The following ROBO2 variants were observed in gnomAD, a reference collection of about 807,000 sequenced individuals.
ROBO2 encodes roundabout homolog 2.
In ROBO2, 53 loss-of-function variants were observed where a neutral mutation model predicts 160.8. The ratio of observed to expected loss-of-function variants is 0.33; its 90% CI spans 0.26 to 0.41. ROBO2 has a LOEUF of 0.41. ROBO2 is among the 10% of genes least tolerant of loss of function. The pLI, the probability that ROBO2 is intolerant of heterozygous loss-of-function variation, is 1.00. For synonymous variants in ROBO2, 664 were observed against 611.7 expected, an observed-to-expected ratio of 1.09 and a Z score of -1.26; for missense variants, 1,577 against 1,722.4, an observed-to-expected ratio of 0.92 and a Z score of 1.49.
chr3:77,154,233 G>T (rs1378927189), intron 2 of ROBO2, among the ~76,000 whole-genome samples: 3 of 151,872 alleles, frequency 2.0e-5, no homozygotes, highest in African/African-American at 7.3e-5. Flanking sequence ...TCTAAACATG[G>T]GTTTTTCTTT....
At chr3:76,321,194 A>T (rs559434599) in intron 2 of ROBO2, among the ~76,000 whole-genome samples, 21 of 152,278 alleles carry the variant, frequency 1.4e-4, no homozygotes, top group Non-Finnish European at 2.6e-4. Flanking sequence ...TCAAACAATG[A>T]TAACTGCAAA....
intron 2 of ROBO2, among the ~76,000 whole-genome samples, chr3:76,227,086 A>T (rs1704334612): frequency 6.6e-6 from 1 of 152,202 alleles, no homozygotes; most frequent in Non-Finnish European, 1.5e-5. Flanking sequence ...CGACTGGCTC[A>T]CTACAGTGAA....
intron 2 of ROBO2, among the ~76,000 whole-genome samples, chr3:76,274,065 C>A (rs1318563478): frequency 1.9e-4 from 29 of 152,168 alleles, no homozygotes. Flanking sequence ...CTAATCACTT[C>A]TTAAAGGTAC....
rs954690475 is a variant in ROBO2 at position 77,109,047 on chromosome 3, T to C, written c.388+10707T>C. Among the ~76,000 whole-genome samples the C allele has an allele frequency of 2.6e-5, 4 of 151,932 alleles. No homozygotes were observed. The East Asian group carries it at 7.7e-4, about 29-fold the overall frequency. On this transcript the variant is annotated intron_variant, in intron 2 of 25. Transcript: ENST00000461745. Reference sequence around the variant, plus strand: ...ATGTTCAGGTATAGTAGGATGAGGATTAAGTTGATTAATTAAGTTCAGAAT... The same window carrying C: ...ATGTTCAGGTATAGTAGGATGAGGACTAAGTTGATTAATTAAGTTCAGAAT...
intron 2 of ROBO2, among the ~76,000 whole-genome samples, chr3:77,296,134 G>T (rs1455778646): frequency 1.3e-5 from 2 of 151,468 alleles, no homozygotes; most frequent in Non-Finnish European, 2.9e-5. Context: ...GATCACCCCA[G>T]ATGTAAAGTA....
intron 2 of ROBO2, among the ~76,000 whole-genome samples, chr3:77,272,074 A>T (rs976540110): frequency 6.6e-6 from 1 of 152,212 alleles, no homozygotes; most frequent in Non-Finnish European, 1.5e-5. Flanking sequence ...GTGAGTAAAA[A>T]TACTATTTTT....
Position 76,688,307 on chromosome 3 carries a change from C to T in ROBO2, c.110-409707C>T, listed in dbSNP as rs113622829. On this transcript the variant is annotated intron_variant, in intron 2 of 26. Coordinates refer to the ROBO2 transcript ENST00000487694. Reference sequence around the variant, plus strand: ...ATCAATTGTTGGTGAGAATTTATTACGAATACAAACATGGTTAGGTGATTT... The same window carrying T: ...ATCAATTGTTGGTGAGAATTTATTATGAATACAAACATGGTTAGGTGATTT... Among the ~76,000 whole-genome samples the T allele has an allele frequency of 7.0e-3, 1,068 of 151,832 alleles. 10 individuals carry two copies. The highest frequency in any genetic ancestry group is 0.024 in the African/African-American group (1,000 of 41,438).
At chr3:77,004,752 T>C (rs925640465) in intron 2 of ROBO2, among the ~76,000 whole-genome samples, 1 of 152,156 alleles carries the variant, frequency 6.6e-6, no homozygotes, top group Non-Finnish European at 1.5e-5. Context: ...TCAGACAGTT[T>C]TCTAAAATAA....
chr3:77,487,710 A>G (rs2085541292), intron 4 of ROBO2, among the ~76,000 whole-genome samples: 1 of 152,180 alleles, frequency 6.6e-6, no homozygotes, highest in Non-Finnish European at 1.5e-5. Flanking sequence ...GGTGAGCTGA[A>G]GTCAAGATAA....
At chr3:76,766,306 C>T (rs1295907141) in intron 2 of ROBO2, among the ~76,000 whole-genome samples, 1 of 151,626 alleles carries the variant, frequency 6.6e-6, no homozygotes, top group Non-Finnish European at 1.5e-5. Context: ...TGATCTGGCT[C>T]TTTGATTCCA....
In ROBO2 at chr3:77,634,590, A is replaced by G; in HGVS notation, c.3761-280A>G. On this transcript the variant is annotated intron_variant, in intron 23 of 25. Transcript: ENST00000461745. Reference sequence around the variant, plus strand: ...GTCAAGGTTAAATAAAAGTATAATCATGCAATATTGAGTTGTGGATTGGTG... The same window carrying G: ...GTCAAGGTTAAATAAAAGTATAATCGTGCAATATTGAGTTGTGGATTGGTG... 2 of 408,636 alleles carry G rather than the reference A, an allele frequency of 4.9e-6. 1 individual carries two copies. The highest frequency in any genetic ancestry group is 5.2e-5 in the South Asian group (2 of 38,678). 25.3% of individuals were successfully genotyped at this position (408,636 alleles called of 1,614,324 possible). A position where few individuals can be genotyped will look rare whatever the true frequency, so the allele number is the denominator to read the frequency against.
chr3:77,131,473 A>G (rs541836896), intron 2 of ROBO2, among the ~76,000 whole-genome samples: 2 of 152,318 alleles, frequency 1.3e-5, no homozygotes, highest in South Asian at 4.1e-4. Flanking sequence ...AGATAGCTGC[A>G]TTAGTGGTTA....
Position 76,637,649 on chromosome 3 carries a change from A to G in ROBO2, c.110-460365A>G, listed in dbSNP as rs192691230. On this transcript the variant is annotated intron_variant, in intron 2 of 26. Coordinates refer to the ROBO2 transcript ENST00000487694. ...CTCTTCCGGGCACATACACTGTTTT[A>G]TATAACTCAGTGAAAGGTGAGCTTT... Among the ~76,000 whole-genome samples, 106 of 152,320 alleles carry G rather than the reference A, an allele frequency of 7.0e-4. 1 individual carries two copies. The highest frequency in any genetic ancestry group is 2.8e-3 in the Admixed American group (43 of 15,304).
intron 2 of ROBO2, among the ~76,000 whole-genome samples, chr3:76,523,026 A>G (rs1319245232): frequency 1.4e-5 from 2 of 148,096 alleles, no homozygotes; most frequent in Admixed American, 1.4e-4. Flanking sequence ...AATATATTTT[A>G]TATATGTATA....
At chr3:76,035,766 C>T (rs769680841) in intron 2 of ROBO2, among the ~76,000 whole-genome samples, 2 of 151,968 alleles carry the variant, frequency 1.3e-5, no homozygotes, top group Non-Finnish European at 2.9e-5. Context: ...CACTCATTAT[C>T]GATTGAAAAC....
At chr3:77,347,732 T>C (rs1258892503) in intron 2 of ROBO2, among the ~76,000 whole-genome samples, 1 of 152,110 alleles carries the variant, frequency 6.6e-6, no homozygotes, top group Non-Finnish European at 1.5e-5. Flanking sequence ...CTGTCATCAT[T>C]GATATACTTT....
chr3:76,106,890 CA>C (rs1342767866), intron 2 of ROBO2, among the ~76,000 whole-genome samples: 1 of 152,076 alleles, frequency 6.6e-6, no homozygotes, highest in African/African-American at 2.4e-5. Flanking sequence ...TTTGCTACCA[CA>C]AGGGGTACTC....
chr3:76,580,353 T>TG (rs2085616458), intron 2 of ROBO2, among the ~76,000 whole-genome samples: 1 of 112,378 alleles, frequency 8.9e-6, no homozygotes, highest in South Asian at 2.8e-4. Context: ...TTTTTTTTTT[T>TG]GTTTTTTTTT....
rs140700064 is a variant in ROBO2, at chr3:77,008,771, G to C, written c.110-89243G>C. 4.3e-3 allele frequency among the ~76,000 whole-genome samples: 654 copies of C among 152,210 alleles called. 6 individuals are homozygous for C. Among genetic ancestry groups the C allele is most frequent in the African/African-American group, 0.015 (624 of 41,550 alleles). Reference sequence around the variant, plus strand: ...TTTCAGGTTGGCACGAATCATTTAGGAACAAAACATAGAATACACACTAAA... The same window carrying C: ...TTTCAGGTTGGCACGAATCATTTAGCAACAAAACATAGAATACACACTAAA... On this transcript the variant is annotated intron_variant, in intron 2 of 26. Coordinates refer to the ROBO2 transcript ENST00000487694.
Sources: gnomAD v4.1 joint callset for allele counts (sites outside exome capture counted in the v4.1 genomes callset) on GRCh38, gnomAD v4.1.1 for gene constraint, MANE v1.5 for transcripts, NCBI Gene and HGNC (gene_info 2026-07-23, HGNC 2026-07-21) for gene names.